SEL1L2: variants seen among roughly 807,000 people sequenced by gnomAD.
SEL1L2 encodes protein sel-1 homolog 2.
In SEL1L2, 89 loss-of-function variants were observed where a neutral mutation model predicts 98.8. The observed-to-expected ratio is 0.90, with a 90% CI of 0.76 to 1.07. SEL1L2 has a LOEUF of 1.07. Among genes scored for constraint, SEL1L2 ranks in the 50% least tolerant of loss-of-function variants. SEL1L2 has a pLI of 0.00. For synonymous variants in SEL1L2, 262 were observed against 278.5 expected, an observed-to-expected ratio of 0.94 and a Z score of 0.59; for missense variants, 788 against 812.0, an observed-to-expected ratio of 0.97 and a Z score of 0.36.
chr20:13,966,804 G>T (rs2051063832), intron 1 of SEL1L2, among the ~76,000 whole-genome samples: 2 of 151,554 alleles, frequency 1.3e-5, no homozygotes, highest in Admixed American at 6.6e-5. Flanking sequence ...TAAATTGTTT[G>T]GTGTTTTATT....
intron 5 of SEL1L2, among the ~76,000 whole-genome samples, chr20:13,903,341 CCTT>C (rs1326505664): frequency 1.3e-5 from 2 of 152,124 alleles, no homozygotes; most frequent in Non-Finnish European, 2.9e-5. Flanking sequence ...CCTCCTCACT[CCTT>C]CTCTCAGTAG....
At chr20:13,931,796 A>AT (rs1402991763) in intron 2 of SEL1L2, 25 bp from the exon 3 acceptor site, 3 of 1,470,604 alleles carry the variant, frequency 2.0e-6, no homozygotes, top group Non-Finnish European at 2.7e-6. Context: ...ACTGTTGCTC[A>AT]TTTTGTTCAT....
chr20:13,885,101 AC>A (rs1303733116), intron 10 of SEL1L2, among the ~76,000 whole-genome samples: 3 of 151,816 alleles, frequency 2.0e-5, no homozygotes, highest in African/African-American at 2.4e-5. Context: ...GAACATGGAT[AC>A]CCCCCTGCCT....
At chr20:13,959,561 A>G (rs2050690676) in intron 1 of SEL1L2, among the ~76,000 whole-genome samples, 1 of 152,206 alleles carries the variant, frequency 6.6e-6, no homozygotes, top group African/African-American at 2.4e-5. Context: ...AAGTCAAACG[A>G]ATTAGGCTTT....
At chr20:13,857,598 C>A (rs1045563830) in intron 18 of SEL1L2, among the ~76,000 whole-genome samples, 1 of 152,206 alleles carries the variant, frequency 6.6e-6, no homozygotes, top group Admixed American at 6.5e-5. Flanking sequence ...GCTGTCAGGG[C>A]AACCAAGTCC....
chr20:13,869,544 C>G lies in SEL1L2; in HGVS notation c.1214G>C (p.Gly405Ala), dbSNP rs965497404. ...LKYFQKAAEK[G>A]WPDAQFQLGF... ...TAACTGGAACTGTGCGTCGGGCCACCCTTTTTCCGCAGCTTTCTGAAAGTA... is the reference window on the plus strand; with the variant it reads ...TAACTGGAACTGTGCGTCGGGCCACGCTTTTTCCGCAGCTTTCTGAAAGTA... The change falls in exon 14 of 20, where the codon GGG (glycine) becomes GCG (alanine). Residue 405 changes from glycine (G) to alanine (A), a missense_variant. Coordinates refer to ENST00000284951, the MANE Select transcript of SEL1L2 (RefSeq NM_025229.2). 2.5e-6 allele frequency: 4 copies of G among 1,613,970 alleles called. No homozygotes were observed. The African/African-American group carries it at 5.3e-5, about 22-fold the overall frequency.
chr20:13,974,399 TGA>T (rs1400275735), intron 1 of SEL1L2, among the ~76,000 whole-genome samples: 2 of 151,934 alleles, frequency 1.3e-5, no homozygotes, highest in Admixed American at 6.6e-5. Flanking sequence ...TAGTGGCGGT[TGA>T]GAGGGGAGTA....
rs572654497 is a variant in SEL1L2 at position 13,933,645 on chromosome 20, T to A, written c.115-1874A>T. On this transcript the variant is annotated intron_variant, in intron 2 of 19. Transcript: ENST00000284951. ...AATAAAATAATATGCTCCATGGCTGTCATTCAGGGACCCAAGCAGATATTA... is the reference window on the plus strand; with the variant it reads ...AATAAAATAATATGCTCCATGGCTGACATTCAGGGACCCAAGCAGATATTA... 9.9e-5 allele frequency among the ~76,000 whole-genome samples: 15 copies of A among 152,282 alleles called. No homozygotes were observed. In the South Asian group the frequency reaches 3.1e-3, roughly 32 times the overall value.
chr20:13,920,227 CAA>C (rs4052973), intron 3 of SEL1L2, among the ~76,000 whole-genome samples: 91 of 103,144 alleles, frequency 8.8e-4, no homozygotes, highest in Admixed American at 1.4e-3. Flanking sequence ...GACTCCGTCC[CAA>C]AAAAAAAAAA....
chr20:13,964,447 ATT>A (rs369646828), intron 1 of SEL1L2, among the ~76,000 whole-genome samples: 1 of 111,472 alleles, frequency 9.0e-6, no homozygotes, highest in African/African-American at 3.6e-5. Context: ...CTATCTCTTC[ATT>A]TTTTTTTTTT....
chr20:13,967,184 A>C (rs777727698), intron 1 of SEL1L2, among the ~76,000 whole-genome samples: 2 of 152,096 alleles, frequency 1.3e-5, no homozygotes, highest in South Asian at 2.1e-4. Flanking sequence ...CCCAGCCAAA[A>C]CCTATCTTTT....
At chr20:13,906,920 C>T (rs2047958249) in intron 5 of SEL1L2, among the ~76,000 whole-genome samples, 2 of 152,164 alleles carry the variant, frequency 1.3e-5, no homozygotes, top group Non-Finnish European at 2.9e-5. Flanking sequence ...CTCAAGTGAT[C>T]CACCCGCCTC....
Position 13,849,456 on chromosome 20 carries a change from C to T in SEL1L2, c.*29G>A, listed in dbSNP as rs2073289. 386,710 of 1,609,184 alleles carry T rather than the reference C, an allele frequency of 0.24. 49,947 individuals carry two copies. The highest frequency in any genetic ancestry group is 0.26 in the Non-Finnish European group (306,331 of 1,176,800). On this transcript the variant is annotated 3_prime_UTR_variant, in exon 20 of 20. Coordinates refer to ENST00000284951, the MANE Select transcript of SEL1L2 (RefSeq NM_025229.2). ...GGATACCTTGGAGTGAACTGATTCC[C>T]GTGAGCAGGTTTTCCTGTGATCCGC...
intron 5 of SEL1L2, among the ~76,000 whole-genome samples, chr20:13,908,206 C>T (rs145699385): frequency 0.011 from 1,569 of 148,634 alleles, 32 homozygotes; most frequent in African/African-American, 0.037. Flanking sequence ...CAGCCTTGAC[C>T]TCCTGGGCTC....
intron 14 of SEL1L2, among the ~76,000 whole-genome samples, chr20:13,869,101 A>G (rs1411091903): frequency 6.6e-6 from 1 of 151,404 alleles, no homozygotes; most frequent in African/African-American, 2.4e-5. Context: ...ATCACTAGTT[A>G]TCTACCATGG....
intron 2 of SEL1L2, among the ~76,000 whole-genome samples, chr20:13,947,388 A>G (rs2050063956): frequency 6.6e-6 from 1 of 152,020 alleles, no homozygotes; most frequent in African/African-American, 2.4e-5. Flanking sequence ...CCCACTCTGA[A>G]TCTCATCTCC....
chr20:13,983,052 G>C (rs2051937619), intron 1 of SEL1L2, among the ~76,000 whole-genome samples: 1 of 31,556 alleles, frequency 3.2e-5, no homozygotes, highest in Non-Finnish European at 9.4e-5. Flanking sequence ...AAAAAAAGCA[G>C]CAGCCAAGTT....
At chr20:13,927,370 A>G (rs2048950424) in intron 3 of SEL1L2, among the ~76,000 whole-genome samples, 1 of 152,214 alleles carries the variant, frequency 6.6e-6, no homozygotes, top group South Asian at 2.1e-4. Flanking sequence ...CCAGGCACAG[A>G]TCTTGCCTTT....
intron 5 of SEL1L2, among the ~76,000 whole-genome samples, chr20:13,898,058 T>C (rs1185235943): frequency 6.6e-6 from 1 of 152,180 alleles, no homozygotes; most frequent in African/African-American, 2.4e-5. Flanking sequence ...GCAGCTGCTA[T>C]GGAAAACAGT....
Sources: gnomAD v4.1 joint callset for allele counts (sites outside exome capture counted in the v4.1 genomes callset) on GRCh38, gnomAD v4.1.1 for gene constraint, MANE v1.5 for transcripts, NCBI Gene and HGNC (gene_info 2026-07-23, HGNC 2026-07-21) for gene names.